PCP4: variants seen among roughly 807,000 people sequenced by gnomAD.
PCP4 encodes the protein calmodulin regulator protein PCP4.
PCP4 carries 8 observed loss-of-function variants against 10.0 expected under a neutral mutation model. The ratio of observed to expected loss-of-function variants is 0.80; its 90% confidence interval spans 0.47 to 1.45. PCP4 has a LOEUF of 1.45. Among genes scored for constraint, PCP4 ranks in the 40% most tolerant of loss-of-function variants. The pLI is 0.00. For synonymous variants in PCP4, 21 were observed against 23.0 expected (o/e 0.91, Z 0.24); for missense variants, 54 against 74.4 (o/e 0.73, Z 1.01).
At chr21:39,907,298 C>T (rs528500091) in intron 2 of PCP4, among the ~76,000 whole-genome samples, 1 of 152,220 alleles carries the variant, frequency 6.6e-6, no homozygotes, top group South Asian at 2.1e-4. Flanking sequence ...AACCACAGAA[C>T]ATGCTTCGGA....
rs991551473 is a variant in PCP4 at position 39,905,262 on chromosome 21, A to T, written c.61+6735A>T. Among the ~76,000 whole-genome samples the T allele has an allele frequency of 1.7e-4, 26 of 152,194 alleles. 2 individuals are homozygous for T. The highest frequency in any genetic ancestry group is 9.8e-4 in the Admixed American group (15 of 15,290). On this transcript the variant is annotated intron_variant, in intron 2 of 2. Transcript: ENST00000328619. ...ATATTTGAAGAAATCAGAAAAAAAA[A>T]AATCAAAACAAAAGTGACTGATGCT...
chr21:39,898,536 A>T lies in PCP4; in HGVS notation c.61+9A>T. The T allele has an allele frequency of 6.2e-7, 1 of 1,610,764 alleles. No individual in the cohort carries two copies. The highest frequency in any genetic ancestry group is 8.5e-7 in the Non-Finnish European group (1 of 1,176,932). On this transcript the variant is annotated intron_variant, in intron 2 of 2. Coordinates refer to ENST00000328619, the MANE Select transcript of PCP4 (RefSeq NM_006198.3). The stretch of plus-strand genomic sequence containing the variant: ...GACATCTGGTGAAAATGGTAAGAGG[A>T]CATGAATAGTCCAAGTTCTTTCTCT...
chr21:39,902,035 T>C (rs550830242), intron 2 of PCP4, among the ~76,000 whole-genome samples: 1 of 152,326 alleles, frequency 6.6e-6, no homozygotes, highest in Admixed American at 6.5e-5. Context: ...TTTAACCTAG[T>C]ATTACATTCC....
chr21:39,884,815 A>G (rs2087392263), intron 1 of PCP4, among the ~76,000 whole-genome samples: 1 of 151,418 alleles, frequency 6.6e-6, no homozygotes, highest in African/African-American at 2.4e-5. Context: ...AGAGAGAGAG[A>G]GAGAGAGACA....
chr21:39,899,505 C>A (rs527909141), intron 2 of PCP4, among the ~76,000 whole-genome samples: 1 of 152,174 alleles, frequency 6.6e-6, no homozygotes, highest in Non-Finnish European at 1.5e-5. Flanking sequence ...CTGAGCAAGA[C>A]TCAAGTATGA....
Position 39,929,183 on chromosome 21 carries a change from A to G in PCP4, c.*72A>G. The G allele has an allele frequency of 2.0e-6, 3 of 1,490,450 alleles. No individual in the cohort carries two copies. Among genetic ancestry groups the G allele is most frequent in the Non-Finnish European group, 2.7e-6 (3 of 1,092,600 alleles). 92.3% of individuals were successfully genotyped at this position (1,490,450 alleles called of 1,614,324 possible). On this transcript the variant is annotated 3_prime_UTR_variant, in exon 3 of 3. Transcript: ENST00000328619. ...TCATCTGTCAAGAAATTAAAAGAAC[A>G]ACACCCTAGAGAGAAGTCATCCACA... is the stretch of plus-strand genomic sequence containing the variant.
At chr21:39,871,705 C>G (rs1190633389) in intron 1 of PCP4, among the ~76,000 whole-genome samples, 1 of 152,156 alleles carries the variant, frequency 6.6e-6, no homozygotes, top group Non-Finnish European at 1.5e-5. Context: ...CAAAATTAAG[C>G]AGGAATATGT....
Position 39,890,559 on chromosome 21 carries a change from G to A in PCP4, c.10-7917G>A, listed in dbSNP as rs148324161. On this transcript the variant is annotated intron_variant, in intron 1 of 2. Transcript: ENST00000328619. Reference sequence around the variant, plus strand: ...TTAATTTTCATTTTTAGTAGAGACGGGTTTTCACCATGTTGGCCAGGCTGG... The same window carrying A: ...TTAATTTTCATTTTTAGTAGAGACGAGTTTTCACCATGTTGGCCAGGCTGG... Among the ~76,000 whole-genome samples, 22 of 151,550 alleles carry A rather than the reference G, an allele frequency of 1.5e-4. No individual in the cohort carries two copies. The East Asian group carries it at 4.1e-3, about 28-fold the overall frequency.
intron 2 of PCP4, among the ~76,000 whole-genome samples, chr21:39,900,774 C>A (rs1022780662): frequency 6.6e-6 from 1 of 152,012 alleles, no homozygotes; most frequent in East Asian, 1.9e-4. Context: ...TTCCTTAGCT[C>A]GGAACTCGAC....
intron 2 of PCP4, among the ~76,000 whole-genome samples, chr21:39,918,013 G>A (rs893050466): frequency 1.3e-5 from 2 of 152,132 alleles, no homozygotes; most frequent in African/African-American, 4.8e-5. Flanking sequence ...AGCCAGGAGA[G>A]AGGTCTTAGG....
chr21:39,912,186 A>G (rs1488168603), intron 2 of PCP4, among the ~76,000 whole-genome samples: 1 of 152,202 alleles, frequency 6.6e-6, no homozygotes, highest in Non-Finnish European at 1.5e-5. Flanking sequence ...CCCTTGAGCC[A>G]TGGCAGCTCC....
Position 39,868,330 on chromosome 21 carries a change from T to G in PCP4, c.9+820T>G, listed in dbSNP as rs114174442. On this transcript the variant is annotated intron_variant, in intron 1 of 2. Coordinates refer to ENST00000328619, the MANE Select transcript of PCP4 (RefSeq NM_006198.3). ...AATAATTACTTTTAAAGATCTTTTA[T>G]CTTCTCTGTCTCTTTTTGACAGATG... Among the ~76,000 whole-genome samples the G allele has an allele frequency of 3.3e-3, 496 of 152,362 alleles. 5 individuals carry two copies. The highest frequency in any genetic ancestry group is 0.011 in the African/African-American group (471 of 41,590).
chr21:39,877,168 G>A (rs1412044043), intron 1 of PCP4, among the ~76,000 whole-genome samples: 2 of 151,984 alleles, frequency 1.3e-5, no homozygotes, highest in East Asian at 3.9e-4. Context: ...TCCACTTAGG[G>A]TTTGCACAAG....
At chr21:39,923,252 A>G (rs1434723406) in intron 2 of PCP4, among the ~76,000 whole-genome samples, 1 of 152,202 alleles carries the variant, frequency 6.6e-6, no homozygotes, top group Non-Finnish European at 1.5e-5. Context: ...GTCTCTCTGA[A>G]CCAGAACAGG....
At chr21:39,919,226 A>G (rs1200041082) in intron 2 of PCP4, among the ~76,000 whole-genome samples, 1 of 152,118 alleles carries the variant, frequency 6.6e-6, no homozygotes, top group Non-Finnish European at 1.5e-5. Flanking sequence ...GGCCGAGGGG[A>G]TCCCAGCTAA....
At chr21:39,893,216 C>A (rs1193927872) in intron 1 of PCP4, among the ~76,000 whole-genome samples, 1 of 152,132 alleles carries the variant, frequency 6.6e-6, no homozygotes, top group Non-Finnish European at 1.5e-5. Flanking sequence ...TCTGGGAAAC[C>A]CAGACTAATA....
intron 1 of PCP4, among the ~76,000 whole-genome samples, chr21:39,873,443 T>A (rs1344466502): frequency 6.6e-6 from 1 of 152,164 alleles, no homozygotes; most frequent in Non-Finnish European, 1.5e-5. Flanking sequence ...TTTGAATATT[T>A]AAATATTTTA....
intron 2 of PCP4, among the ~76,000 whole-genome samples, chr21:39,903,876 C>CAAAAAAAAA (rs67572508): frequency 6.4e-4 from 61 of 95,546 alleles, no homozygotes; most frequent in Non-Finnish European, 8.7e-4. Context: ...TCAAAAAAAA[C>CAAAAAAAAA]AAAAAAAAAA....
rs112443019 is a variant in PCP4 at position 39,891,616 on chromosome 21, G to A, written c.10-6860G>A. 8.7e-3 allele frequency among the ~76,000 whole-genome samples: 1,318 copies of A among 152,328 alleles called. 20 individuals carry two copies. Among genetic ancestry groups the A allele is most frequent in the African/African-American group, 0.029 (1,221 of 41,568 alleles). On this transcript the variant is annotated intron_variant, in intron 1 of 2. Coordinates refer to ENST00000328619, the MANE Select transcript of PCP4 (RefSeq NM_006198.3). ...CCTGGGGGACCACTACCATCAAGGC[G>A]CGTAGACCGGCAGTGGCCCCGAACG...
Sources: gnomAD v4.1 joint callset for allele counts (sites outside exome capture counted in the v4.1 genomes callset) on GRCh38, gnomAD v4.1.1 for gene constraint, MANE v1.5 for transcripts, NCBI Gene and HGNC (gene_info 2026-07-23, HGNC 2026-07-21) for gene names.